Variants in ERBB4 observed in about 807,000 individuals in gnomAD.
ERBB4 encodes receptor tyrosine-protein kinase erbB-4.
In ERBB4, 42 loss-of-function variants were observed where a neutral mutation model predicts 158.0. The observed-to-expected ratio is 0.27, with a 90% CI of 0.21 to 0.34. The LOEUF (loss-of-function observed/expected upper bound fraction) is 0.34, where lower values mean the gene tolerates loss of function less well. Among genes scored for constraint, ERBB4 ranks in the 10% least tolerant of loss-of-function variants. The pLI is 1.00. For missense variants in ERBB4, 1,333 were observed against 1,624.1 expected (o/e 0.82, Z 3.08); for synonymous variants, 583 against 558.7 (o/e 1.04, Z -0.61).
intron 16 of ERBB4, among the ~76,000 whole-genome samples, chr2:211,643,472 T>C (rs188355592): frequency 6.6e-6 from 1 of 152,246 alleles, no homozygotes; most frequent in African/African-American, 2.4e-5. Flanking sequence ...CCATTACTTT[T>C]TTTACTTGTA....
At chr2:212,112,009 A>G (rs1009206940) in intron 2 of ERBB4, among the ~76,000 whole-genome samples, 1 of 152,150 alleles carries the variant, frequency 6.6e-6, no homozygotes, top group African/African-American at 2.4e-5. Flanking sequence ...TGAATGTTTA[A>G]TTCTTTTTTA....
In ERBB4 at chr2:211,602,294, T is replaced by C. The variant is rs538611718; in HGVS notation, c.2301+16883A>G. On this transcript the variant is annotated intron_variant, in intron 19 of 27. Coordinates refer to ENST00000342788, the MANE Select transcript of ERBB4 (RefSeq NM_005235.3). ...ACACGATCTGCCTGCTCTCCAGGCC[T>C]CCTTCCAGTGCAGGTGCTTGGACTC... is the stretch of plus-strand genomic sequence containing the variant. Among the ~76,000 whole-genome samples the C allele has an allele frequency of 1.8e-4, 28 of 152,214 alleles. No individual in the cohort carries two copies. The South Asian group carries it at 5.2e-3, about 28-fold the overall frequency.
At chr2:212,400,803 T>C (rs543593354) in intron 1 of ERBB4, among the ~76,000 whole-genome samples, 33 of 152,180 alleles carry the variant, frequency 2.2e-4, no homozygotes, top group Non-Finnish European at 3.5e-4. Context: ...ACTCTGTCTC[T>C]GAACTTTAAT....
chr2:211,423,925 T>C (rs1389935908), intron 23 of ERBB4, among the ~76,000 whole-genome samples: 2 of 152,024 alleles, frequency 1.3e-5, no homozygotes, highest in Non-Finnish European at 2.9e-5. Context: ...GCAATTTGAC[T>C]GTCATGGAGA....
intron 1 of ERBB4, among the ~76,000 whole-genome samples, chr2:212,497,335 A>G (rs560573546): frequency 1.2e-4 from 18 of 152,228 alleles, no homozygotes; most frequent in Non-Finnish European, 1.0e-4. Flanking sequence ...CAGTAGTGTG[A>G]TCTTTCTATT....
intron 2 of ERBB4, among the ~76,000 whole-genome samples, chr2:212,009,735 C>T (rs1200196676): frequency 6.6e-6 from 1 of 152,144 alleles, no homozygotes; most frequent in Non-Finnish European, 1.5e-5. Flanking sequence ...TCCTCCCAAT[C>T]TTTCATTATA....
chr2:212,019,056 A>G (rs910636244), intron 2 of ERBB4, among the ~76,000 whole-genome samples: 24 of 152,116 alleles, frequency 1.6e-4, no homozygotes, highest in African/African-American at 5.6e-4. Flanking sequence ...CCAGAGTACA[A>G]GAAGCCTGGT....
intron 1 of ERBB4, among the ~76,000 whole-genome samples, chr2:212,496,293 A>C (rs1035958850): frequency 7.3e-5 from 11 of 151,508 alleles, no homozygotes; most frequent in African/African-American, 2.7e-4. Flanking sequence ...AAAAAAAAAA[A>C]CAAAAAAACA....
chr2:211,553,593 T>G (rs1331148903), intron 20 of ERBB4, among the ~76,000 whole-genome samples: 1 of 152,238 alleles, frequency 6.6e-6, no homozygotes, highest in Non-Finnish European at 1.5e-5. Flanking sequence ...AAATAACACA[T>G]AGTTTACATT....
rs192471282 is a variant in ERBB4, at chr2:212,182,998, C to T, written c.83-58095G>A. Among the ~76,000 whole-genome samples the T allele has an allele frequency of 6.1e-4, 93 of 151,388 alleles. No individual in the cohort carries two copies. The East Asian group carries it at 0.017, about 28-fold the overall frequency. ...TGGTCACACAACTTAGCCATTTGTT[C>T]AAAAATAATATAGATAAAACCCAAA... On this transcript the variant is annotated intron_variant, in intron 1 of 27. Coordinates refer to ENST00000342788, the MANE Select transcript of ERBB4 (RefSeq NM_005235.3).
chr2:211,984,258 ATCACT>A (rs2081880184), intron 2 of ERBB4, among the ~76,000 whole-genome samples: 1 of 152,124 alleles, frequency 6.6e-6, no homozygotes, highest in African/African-American at 2.4e-5. Flanking sequence ...TCATGACTTA[ATCACT>A]TCCCAAAGGC....
intron 20 of ERBB4, 156 bp downstream of exon 20, chr2:211,561,747 C>T: frequency 1.4e-6 from 1 of 703,914 alleles, no homozygotes; most frequent in Non-Finnish European, 2.5e-6. Flanking sequence ...CTGTAGTTTA[C>T]CTAAAAGTAC....
chr2:211,686,115 T>C (rs1431122809), intron 12 of ERBB4, among the ~76,000 whole-genome samples: 1 of 152,140 alleles, frequency 6.6e-6, no homozygotes, highest in Non-Finnish European at 1.5e-5. Context: ...TCTTGCCTTA[T>C]TTGCTAGGTA....
intron 20 of ERBB4, among the ~76,000 whole-genome samples, chr2:211,484,444 T>C (rs2065156550): frequency 6.6e-6 from 1 of 152,172 alleles, no homozygotes; most frequent in African/African-American, 2.4e-5. Flanking sequence ...ATAACACTTC[T>C]ATATCCTGCC....
At chr2:211,896,002 C>T (rs1007633541) in intron 3 of ERBB4, among the ~76,000 whole-genome samples, 2 of 152,116 alleles carry the variant, frequency 1.3e-5, no homozygotes, top group African/African-American at 4.8e-5. Flanking sequence ...CCTTAGTGTT[C>T]CCACCTCTCT....
rs181200868 is a variant in ERBB4 at position 212,016,134 on chromosome 2, C to T, written c.235-68518G>A. ...AACAGTTCTTTCCTTTTGACAATGA[C>T]TAGACATATATATATATATATTTTA... is the stretch of plus-strand genomic sequence containing the variant. On this transcript the variant is annotated intron_variant, in intron 2 of 27. Coordinates refer to ENST00000342788, the MANE Select transcript of ERBB4 (RefSeq NM_005235.3). 5.6e-3 allele frequency among the ~76,000 whole-genome samples: 833 copies of T among 147,852 alleles called. 5 individuals carry two copies. The highest frequency in any genetic ancestry group is 0.02 in the African/African-American group (793 of 40,522).
At chr2:211,908,499 T>A (rs530308793) in intron 3 of ERBB4, among the ~76,000 whole-genome samples, 2 of 151,754 alleles carry the variant, frequency 1.3e-5, no homozygotes, top group African/African-American at 4.8e-5. Flanking sequence ...GTGGAAAAAA[T>A]CGTATATAAT....
At chr2:212,094,944 T>C (rs540398177) in intron 2 of ERBB4, among the ~76,000 whole-genome samples, 66 of 152,296 alleles carry the variant, frequency 4.3e-4, no homozygotes, top group African/African-American at 1.6e-3. Context: ...TTAAAGGAAA[T>C]TAGAAAATAG....
At chr2:212,326,126 G>A (rs1241876021) in intron 1 of ERBB4, among the ~76,000 whole-genome samples, 2 of 150,488 alleles carry the variant, frequency 1.3e-5, no homozygotes, top group Admixed American at 6.6e-5. Context: ...AAAATCCAAA[G>A]TAGTTCTGTA....
Sources: gnomAD v4.1 joint callset for allele counts (sites outside exome capture counted in the v4.1 genomes callset) on GRCh38, gnomAD v4.1.1 for gene constraint, MANE v1.5 for transcripts, NCBI Gene and HGNC (gene_info 2026-07-23, HGNC 2026-07-21) for gene names.